CCNH: variants seen among roughly 807,000 people sequenced by gnomAD.
The protein encoded by CCNH is cyclin H.
A neutral mutation model predicts 41.9 loss-of-function variants in CCNH; 31 were observed. That is an observed-to-expected ratio of 0.74 (90% CI 0.56 to 1.00). The LOEUF is 1.00. Among genes scored for constraint, CCNH ranks in the 50% least tolerant of loss-of-function variants. The pLI is 0.00. For synonymous variants in CCNH, 138 were observed against 136.1 expected, an observed-to-expected ratio of 1.01 and a Z score of -0.10; for missense variants, 362 against 388.4, an observed-to-expected ratio of 0.93 and a Z score of 0.57.
upstream of CCNH, among the ~76,000 whole-genome samples, chr5:87,380,920 T>G (rs544933475): frequency 4.3e-4 from 65 of 152,328 alleles, 1 homozygote; most frequent in Admixed American, 3.9e-3. Context: ...ACACATTGAT[T>G]GGCAGTGAGA....
At chr5:87,388,527 T>G (rs1762228994), downstream of CCNH, among the ~76,000 whole-genome samples, 1 of 152,222 alleles carries the variant, frequency 6.6e-6, no homozygotes, top group African/African-American at 2.4e-5. Context: ...CTGGCAAGTA[T>G]ACTGCAAATA....
intron 9 of CCNH, chr5:87,353,336 A>G: frequency 1.1e-6 from 1 of 898,320 alleles, no homozygotes; most frequent in Non-Finnish European, 1.8e-6. Flanking sequence ...ATTGGATACA[A>G]CTTAAAACTA....
chr5:87,362,591 A>C lies in CCNH; in HGVS notation c.*90+30179T>G, dbSNP rs772447424. On this transcript the variant is annotated intron_variant and NMD_transcript_variant, in intron 9 of 9. Transcript: ENST00000645953. The stretch of plus-strand genomic sequence containing the variant: ...CTCAATGACACAGTGGATGGCAAGG[A>C]AATCTATAATACCATCCGTCGTAAA... The C allele has an allele frequency of 1.8e-5, 29 of 1,596,678 alleles. No homozygotes were observed. The highest frequency in any genetic ancestry group is 4.0e-5 in the African/African-American group (3 of 74,522).
At chr5:87,398,897 T>A (rs895743064) in intron 7 of CCNH, among the ~76,000 whole-genome samples, 3 of 150,946 alleles carry the variant, frequency 2.0e-5, no homozygotes, top group Non-Finnish European at 2.9e-5. Context: ...GACCTGAACC[T>A]GGAAGGCAGA....
intron 1 of CCNH, among the ~76,000 whole-genome samples, chr5:87,411,602 T>A (rs1764248010): frequency 6.6e-6 from 1 of 152,182 alleles, no homozygotes; most frequent in Admixed American, 6.5e-5. Flanking sequence ...GTATAAACAA[T>A]CATGACAGGC....
chr5:87,367,274 A>G (rs1485273637), intron 9 of CCNH, among the ~76,000 whole-genome samples: 1 of 152,218 alleles, frequency 6.6e-6, no homozygotes, highest in African/African-American at 2.4e-5. Context: ...GGATGCAAAT[A>G]CCAGAGGACA....
At chr5:87,344,886 T>G (rs1286331099) in intron 9 of CCNH, among the ~76,000 whole-genome samples, 1 of 152,034 alleles carries the variant, frequency 6.6e-6, no homozygotes, top group African/African-American at 2.4e-5. Flanking sequence ...CTTAGCTCAT[T>G]CATCACTTCC....
downstream of CCNH, chr5:87,374,991 TAAAATA>T: frequency 6.6e-7 from 1 of 1,512,858 alleles, no homozygotes; most frequent in Non-Finnish European, 8.8e-7. Context: ...ATGAAAGTCT[TAAAATA>T]GAAATTAAAA....
chr5:87,311,659 G>A, the CCNH span, among the ~76,000 whole-genome samples: 8 of 152,208 alleles, frequency 5.3e-5, no homozygotes, highest in African/African-American at 9.6e-5. Context: ...CACGTGTCAA[G>A]TATTGCCAAC....
exon 1 of CCNH, chr5:87,376,323 G>A: frequency 6.4e-7 from 1 of 1,563,658 alleles, no homozygotes; most frequent in Non-Finnish European, 8.7e-7. Flanking sequence ...TGAACACCAG[G>A]AAAATTTACT....
rs192600936 is a variant in CCNH at position 87,332,292 on chromosome 5, T to C, written c.*91-13395A>G. ...GTAATTGAGGTTTATAAGCCTGATA[T>C]GTATTTCACATCAAATGCATGTATA... is the stretch of plus-strand genomic sequence containing the variant. On this transcript the variant is annotated intron_variant and NMD_transcript_variant, in intron 9 of 9. Transcript: ENST00000645953. Among the ~76,000 whole-genome samples the C allele has an allele frequency of 2.8e-4, 42 of 152,222 alleles. No individual in the cohort carries two copies. The East Asian group carries it at 6.7e-3, about 24-fold the overall frequency.
At chr5:87,389,410 G>C (rs761753589), downstream of CCNH, 12 of 1,614,006 alleles carry the variant, frequency 7.4e-6, no homozygotes, top group Non-Finnish European at 1.0e-5. Flanking sequence ...CTGAACTTCC[G>C]GACACTACAG....
chr5:87,386,831 C>A, downstream of CCNH: 1 of 1,612,478 alleles, frequency 6.2e-7, no homozygotes, highest in South Asian at 1.1e-5. Context: ...TTCAGGAGCC[C>A]TACATGGAAG....
At chr5:87,386,923 G>T (rs1290076478), downstream of CCNH, 4 of 1,595,332 alleles carry the variant, frequency 2.5e-6, no homozygotes, top group South Asian at 3.3e-5. Flanking sequence ...TAGTTTTCAG[G>T]TACTTTTTTT....
At chr5:87,386,875 G>A (rs757298110), downstream of CCNH, 24 of 1,612,406 alleles carry the variant, frequency 1.5e-5, no homozygotes, top group Non-Finnish European at 1.9e-5. Context: ...AACAAACATC[G>A]TATGATCATG....
chr5:87,394,758 A>T (rs1298234259), intron 8 of CCNH: 2 of 1,343,590 alleles, frequency 1.5e-6, no homozygotes, highest in East Asian at 2.8e-5. Flanking sequence ...AAAGGGGGTA[A>T]GGGAAAAATC....
At chr5:87,365,266 T>C (rs1374071298) in intron 9 of CCNH, among the ~76,000 whole-genome samples, 1 of 152,156 alleles carries the variant, frequency 6.6e-6, no homozygotes, top group Non-Finnish European at 1.5e-5. Flanking sequence ...TCAAAAATTA[T>C]AACACTCGAA....
intron 9 of CCNH, chr5:87,385,274 C>T (rs1303555768): frequency 2.1e-6 from 3 of 1,456,382 alleles, no homozygotes; most frequent in African/African-American, 2.8e-5. Context: ...GACTTGGTGT[C>T]ATTAGCTGTG....
chr5:87,344,034 T>C (rs1410872607), intron 9 of CCNH, among the ~76,000 whole-genome samples: 1 of 151,916 alleles, frequency 6.6e-6, no homozygotes, highest in Non-Finnish European at 1.5e-5. Context: ...CTCAGGGAGA[T>C]AGATAGTAGA....
Sources: allele counts gnomAD v4.1 joint callset (sites outside exome capture counted in the v4.1 genomes callset), GRCh38; gene constraint gnomAD v4.1.1; transcripts MANE v1.5; gene names NCBI Gene and HGNC (gene_info 2026-07-23, HGNC 2026-07-21).